Variants in CCDC169 observed in about 807,000 individuals in gnomAD.
CCDC169 encodes coiled-coil domain-containing protein 169.
In CCDC169, 30 loss-of-function variants were observed where a neutral mutation model predicts 36.0. The ratio of observed to expected loss-of-function variants is 0.83; its 90% CI spans 0.62 to 1.13. The LOEUF is 1.13. Among genes scored for constraint, CCDC169 ranks in the 50% most tolerant of loss-of-function variants. The pLI, the probability that CCDC169 is intolerant of heterozygous loss-of-function variation, is 0.00. For synonymous variants in CCDC169, 85 were observed against 81.5 expected (o/e 1.04, Z -0.23); for missense variants, 245 against 245.9 (o/e 1.00, Z 0.03).
chr13:36,260,567 G>A (rs1874482502), intron 4 of CCDC169, among the ~76,000 whole-genome samples: 1 of 152,090 alleles, frequency 6.6e-6, no homozygotes, highest in African/African-American at 2.4e-5. Flanking sequence ...AGTTACACTA[G>A]TTTCCTGGTA....
chr13:36,257,680 C>T (rs941492849), intron 4 of CCDC169, among the ~76,000 whole-genome samples: 6 of 150,240 alleles, frequency 4.0e-5, no homozygotes, highest in Non-Finnish European at 8.9e-5. Flanking sequence ...TCCACCCTGG[C>T]AACACAGCAA....
chr13:36,230,730 G>A (rs901388357), downstream of CCDC169: 16 of 978,338 alleles, frequency 1.6e-5, no homozygotes, highest in African/African-American at 1.2e-4. Flanking sequence ...GTTGTTCTAC[G>A]ATACCATAAT....
intron 4 of CCDC169, among the ~76,000 whole-genome samples, chr13:36,260,636 G>A (rs1195538953): frequency 6.6e-6 from 1 of 152,140 alleles, no homozygotes; most frequent in African/African-American, 2.4e-5. Context: ...TTGTGATGAG[G>A]AGTATCTAGG....
At chr13:36,264,884 G>T (rs1767342031) in intron 4 of CCDC169, among the ~76,000 whole-genome samples, 1 of 152,202 alleles carries the variant, frequency 6.6e-6, no homozygotes, top group African/African-American at 2.4e-5. Context: ...TCAGAATGTG[G>T]TCTGTCTTGA....
chr13:36,283,325 T>C (rs1259706634), intron 4 of CCDC169, 144 bp downstream of exon 4: 5 of 761,414 alleles, frequency 6.6e-6, no homozygotes, highest in Non-Finnish European at 1.0e-5. Flanking sequence ...AAAAATTATT[T>C]GTTGTCCTTC....
chr13:36,248,997 C>T (rs1872818203), intron 6 of CCDC169, among the ~76,000 whole-genome samples: 1 of 152,044 alleles, frequency 6.6e-6, no homozygotes, highest in South Asian at 2.1e-4. Context: ...ATAGATAATG[C>T]AGGCACCCTG....
chr13:36,247,773 G>T (rs1872680646), intron 7 of CCDC169, among the ~76,000 whole-genome samples: 1 of 152,162 alleles, frequency 6.6e-6, no homozygotes, highest in South Asian at 2.1e-4. Flanking sequence ...TTTTTGAAAT[G>T]ACAGCAAAGG....
chr13:36,271,954 G>A (rs1251529452), intron 4 of CCDC169, among the ~76,000 whole-genome samples: 3 of 151,580 alleles, frequency 2.0e-5, no homozygotes, highest in Non-Finnish European at 4.4e-5. Context: ...GAGTGGCAGT[G>A]CATGTCTGTC....
At chr13:36,268,744 G>A (rs964712502) in intron 4 of CCDC169, among the ~76,000 whole-genome samples, 2 of 152,088 alleles carry the variant, frequency 1.3e-5, no homozygotes, top group Non-Finnish European at 2.9e-5. Context: ...AAAGAAGAGA[G>A]AAGATCCAAA....
At chr13:36,234,066 T>C (rs1486217818) in intron 7 of CCDC169, among the ~76,000 whole-genome samples, 1 of 152,212 alleles carries the variant, frequency 6.6e-6, no homozygotes, top group African/African-American at 2.4e-5. Context: ...AAGTCCACCT[T>C]TGTTCGCCAA....
chr13:36,231,119 A>C lies in CCDC169; in HGVS notation c.*74T>G. On this transcript the variant is annotated 3_prime_UTR_variant, in exon 8 of 8. Coordinates refer to ENST00000239859, the MANE Select transcript of CCDC169 (RefSeq NM_001144981.3). ...TTTTATTCCCTGAAGAAATGTGCTG[A>C]CCATTAACTTTATAACTTGAATATT... The C allele has an allele frequency of 2.0e-6, 3 of 1,499,082 alleles. No homozygotes were observed. Among genetic ancestry groups the C allele is most frequent in the South Asian group, 1.4e-5 (1 of 73,052 alleles). 92.9% of individuals were successfully genotyped at this position (1,499,082 alleles called of 1,614,324 possible). A position where few individuals can be genotyped will look rare whatever the true frequency, so the allele number is the denominator to read the frequency against.
At chr13:36,277,570 G>T (rs1162580380) in intron 4 of CCDC169, among the ~76,000 whole-genome samples, 1 of 152,170 alleles carries the variant, frequency 6.6e-6, no homozygotes, top group Non-Finnish European at 1.5e-5. Flanking sequence ...TTTCAGGTAG[G>T]CACTAAGTCC....
At chr13:36,266,239 A>C (rs1373341093) in intron 4 of CCDC169, among the ~76,000 whole-genome samples, 1 of 152,006 alleles carries the variant, frequency 6.6e-6, no homozygotes, top group Non-Finnish European at 1.5e-5. Flanking sequence ...CACCATTCTT[A>C]ATTGGCTTGG....
At chr13:36,294,915 C>G (rs1176060886) in intron 2 of CCDC169, among the ~76,000 whole-genome samples, 1 of 152,120 alleles carries the variant, frequency 6.6e-6, no homozygotes, top group Non-Finnish European at 1.5e-5. Flanking sequence ...AACTACCAGG[C>G]CCAGGGTGTG....
At chr13:36,248,073 G>A (rs1872707797) in intron 7 of CCDC169, among the ~76,000 whole-genome samples, 1 of 152,072 alleles carries the variant, frequency 6.6e-6, no homozygotes, top group Non-Finnish European at 1.5e-5. Context: ...CTCACTGAAG[G>A]CTCAAATGAT....
intron 4 of CCDC169, among the ~76,000 whole-genome samples, chr13:36,263,855 A>G (rs1874915454): frequency 6.6e-6 from 1 of 152,194 alleles, no homozygotes. Flanking sequence ...AAGCCCTATG[A>G]AATAAACTGC....
intron 1 of CCDC169, 77 bp downstream of exon 1, chr13:36,297,560 C>T (rs1879679501): frequency 3.5e-6 from 5 of 1,414,054 alleles, no homozygotes; most frequent in Non-Finnish European, 4.8e-6. Context: ...CCCTCAGCGG[C>T]TTCAGCCCTG....
In CCDC169 at chr13:36,248,573, C is replaced by A. The variant is rs534278776; in HGVS notation, c.545+33G>T. On this transcript the variant is annotated intron_variant, in intron 7 of 7. Transcript: ENST00000239859. ...CAGTGGCATTTATGTGCAAATGTAA[C>A]GAATTAGAAAGAAAATATATAGCTA... is the stretch of plus-strand genomic sequence containing the variant. 1.8e-5 allele frequency: 27 copies of A among 1,541,950 alleles called. No homozygotes were observed. The South Asian group carries it at 3.3e-4, about 19-fold the overall frequency.
At chr13:36,266,317 C>T (rs574864560) in intron 4 of CCDC169, among the ~76,000 whole-genome samples, 5 of 152,178 alleles carry the variant, frequency 3.3e-5, no homozygotes, top group East Asian at 3.9e-4. Context: ...AAGAGGCCTC[C>T]GCAGCATCTT....
Sources: gnomAD v4.1 joint callset for allele counts (sites outside exome capture counted in the v4.1 genomes callset) on GRCh38, gnomAD v4.1.1 for gene constraint, MANE v1.5 for transcripts, NCBI Gene and HGNC (gene_info 2026-07-23, HGNC 2026-07-21) for gene names.